Variants in HIVEP3 observed in about 807,000 individuals in gnomAD.
The protein encoded by HIVEP3 is transcription factor HIVEP3.
HIVEP3 carries 49 observed loss-of-function variants against 152.8 expected under a neutral mutation model. That is an observed-to-expected ratio of 0.32 (90% CI 0.26 to 0.41). The LOEUF is 0.41. Among genes scored for constraint, HIVEP3 ranks in the 10% least tolerant of loss-of-function variants. The pLI is 1.00. For synonymous variants in HIVEP3, 1,269 were observed against 1,289.0 expected (o/e 0.98, Z 0.33); for missense variants, 2,790 against 3,103.3 (o/e 0.90, Z 2.40).
intron 1 of HIVEP3, among the ~76,000 whole-genome samples, chr1:41,902,366 G>T (rs1644639824): frequency 6.6e-6 from 1 of 151,996 alleles, no homozygotes; most frequent in South Asian, 2.1e-4. Context: ...AAGGGGAGAG[G>T]CCAAGCCAAG....
intron 1 of HIVEP3, among the ~76,000 whole-genome samples, chr1:41,974,732 C>A (rs777987030): frequency 6.6e-6 from 1 of 152,122 alleles, no homozygotes; most frequent in Non-Finnish European, 1.5e-5. Context: ...ACAGTAAACT[C>A]TGAATTGCAG....
intron 5 of HIVEP3, among the ~76,000 whole-genome samples, chr1:41,573,478 A>G (rs1644281486): frequency 6.6e-6 from 1 of 152,166 alleles, no homozygotes; most frequent in South Asian, 2.1e-4. Context: ...GGAGGAAAGG[A>G]TCTGACACTA....
At chr1:41,698,863 G>A (rs765420000) in intron 2 of HIVEP3, among the ~76,000 whole-genome samples, 1 of 151,588 alleles carries the variant, frequency 6.6e-6, no homozygotes, top group Non-Finnish European at 1.5e-5. Context: ...CTCTCAGTGT[G>A]TGGCTGTTCC....
chr1:41,943,948 G>A (rs1216965930), intron 1 of HIVEP3, among the ~76,000 whole-genome samples: 3 of 152,300 alleles, frequency 2.0e-5, no homozygotes, highest in Middle Eastern at 3.4e-3. Flanking sequence ...TAAAAAGGAA[G>A]GAAATTCTGA....
At chr1:41,927,025 C>T (rs1557526171) in intron 1 of HIVEP3, among the ~76,000 whole-genome samples, 1 of 152,200 alleles carries the variant, frequency 6.6e-6, no homozygotes, top group Non-Finnish European at 1.5e-5. Flanking sequence ...AGCTTTCTGT[C>T]TCAGGCGAGG....
rs998483992 is a variant in HIVEP3, at chr1:41,585,333, T to TAC, written c.-521-17_-521-16dup. On this transcript the variant is annotated splice_polypyrimidine_tract_variant and intron_variant, in intron 3 of 8. Coordinates refer to ENST00000372583, the MANE Select transcript of HIVEP3 (RefSeq NM_024503.5). ...ACGCTCTTCTTCTGTGTGATAGATG[T>TAC]ACACACACACAGAAATACACACACA... The TAC allele has an allele frequency of 7.5e-5, 30 of 398,830 alleles. No individual in the cohort carries two copies. Among genetic ancestry groups the TAC allele is most frequent in the African/African-American group, 2.3e-4 (11 of 48,672 alleles). The allele number at this position is 398,830 out of a possible 1,614,324, so 24.7% of individuals were successfully genotyped here. A position where few individuals can be genotyped will look rare whatever the true frequency, so the allele number is the denominator to read the frequency against.
intron 2 of HIVEP3, among the ~76,000 whole-genome samples, chr1:41,671,632 G>A (rs1645877534): frequency 6.6e-6 from 1 of 152,230 alleles, no homozygotes; most frequent in Admixed American, 6.5e-5. Context: ...GTCAAATGAG[G>A]CTCCGCCTCA....
At chr1:41,839,481 G>A (rs1181725516) in intron 1 of HIVEP3, among the ~76,000 whole-genome samples, 1 of 152,198 alleles carries the variant, frequency 6.6e-6, no homozygotes, top group Non-Finnish European at 1.5e-5. Flanking sequence ...CTTCCTCCAG[G>A]AAGCATTCTT....
chr1:41,756,853 T>A (rs912599856), intron 1 of HIVEP3, among the ~76,000 whole-genome samples: 13 of 152,306 alleles, frequency 8.5e-5, no homozygotes, highest in African/African-American at 3.1e-4. Flanking sequence ...GTATAGTGCC[T>A]GACAGAAAGT....
intron 1 of HIVEP3, among the ~76,000 whole-genome samples, chr1:41,906,163 G>T (rs1359086739): frequency 1.3e-5 from 2 of 152,114 alleles, no homozygotes; most frequent in African/African-American, 4.8e-5. Flanking sequence ...GGAAAAATCA[G>T]CCAAGCGTGG....
chr1:41,593,794 C>T (rs115877001), intron 3 of HIVEP3, among the ~76,000 whole-genome samples: 45 of 152,316 alleles, frequency 3.0e-4, no homozygotes, highest in African/African-American at 1.1e-3. Context: ...TCTTATAGTT[C>T]GAGTGGTCAG....
chr1:41,566,076 C>T (rs981594273), intron 5 of HIVEP3, among the ~76,000 whole-genome samples: 1 of 152,130 alleles, frequency 6.6e-6, no homozygotes, highest in African/African-American at 2.4e-5. Flanking sequence ...ATCCAGAAGG[C>T]CAGCACAGTC....
intron 1 of HIVEP3, among the ~76,000 whole-genome samples, chr1:41,773,298 G>A (rs879722764): frequency 2.0e-5 from 3 of 152,156 alleles, no homozygotes; most frequent in South Asian, 4.1e-4. Flanking sequence ...CTTGTGATTC[G>A]CAGTTCAATA....
intron 1 of HIVEP3, among the ~76,000 whole-genome samples, chr1:41,845,377 C>T (rs1643408518): frequency 6.6e-6 from 1 of 151,010 alleles, no homozygotes; most frequent in Non-Finnish European, 1.5e-5. Flanking sequence ...CTGTCTCCAT[C>T]AGCAACAACC....
At chr1:41,611,869 G>A (rs1184829010) in intron 3 of HIVEP3, among the ~76,000 whole-genome samples, 1 of 152,198 alleles carries the variant, frequency 6.6e-6, no homozygotes, top group East Asian at 1.9e-4. Flanking sequence ...TCCCTAGCCT[G>A]GGAACTCCGG....
chr1:42,003,369 G>A (rs1645439591), intron 1 of HIVEP3, among the ~76,000 whole-genome samples: 1 of 152,112 alleles, frequency 6.6e-6, no homozygotes, highest in South Asian at 2.1e-4. Flanking sequence ...GAGCCAACGT[G>A]CCCCACCTAA....
chr1:41,616,651 CTA>C (rs1029455430), intron 3 of HIVEP3, among the ~76,000 whole-genome samples: 4 of 132,414 alleles, frequency 3.0e-5, no homozygotes, highest in African/African-American at 1.1e-4. Flanking sequence ...TGGAGTCTCA[CTA>C]TGTTGCCCAG....
chr1:41,958,820 C>T (rs114842862), intron 1 of HIVEP3, among the ~76,000 whole-genome samples: 3,148 of 152,248 alleles, frequency 0.021, 64 homozygotes, highest in Non-Finnish European at 0.025. Context: ...CATGGACAGT[C>T]GTGCAAGGCT....
chr1:41,974,611 C>G lies in HIVEP3; in HGVS notation n.120-56087G>C, dbSNP rs6700837. Among the ~76,000 whole-genome samples the G allele has an allele frequency of 4.9e-3, 744 of 151,994 alleles. 8 individuals are homozygous for G. The highest frequency in any genetic ancestry group is 0.017 in the African/African-American group (723 of 41,422). On this transcript the variant is annotated intron_variant and non_coding_transcript_variant, in intron 1 of 3. Coordinates refer to the HIVEP3 transcript ENST00000489103. The stretch of plus-strand genomic sequence containing the variant: ...TCCCTGGGATGTCCTGTGTGCTGTG[C>G]TCTCTGCTTGGAATACTCTTTTCAC...
Sources: gnomAD v4.1 joint callset for allele counts (sites outside exome capture counted in the v4.1 genomes callset) on GRCh38, gnomAD v4.1.1 for gene constraint, MANE v1.5 for transcripts, NCBI Gene and HGNC (gene_info 2026-07-23, HGNC 2026-07-21) for gene names.